Variants in ANKRD30A observed in about 807,000 individuals in gnomAD.
The protein encoded by ANKRD30A is ankyrin repeat domain-containing protein 30A.
ANKRD30A carries 170 observed loss-of-function variants against 166.3 expected under a neutral mutation model. That is an observed-to-expected ratio of 1.02 (90% confidence interval 0.90 to 1.16). The LOEUF (loss-of-function observed/expected upper bound fraction) is 1.16, where lower values mean the gene tolerates loss of function less well. Ranked by LOEUF, ANKRD30A falls within the 50% of genes most tolerant of loss-of-function variation. The pLI is 0.00. For synonymous variants in ANKRD30A, 564 were observed against 508.9 expected (o/e 1.11, Z -1.46); for missense variants, 1,630 against 1,518.0 (o/e 1.07, Z -1.23).
intron 31 of ANKRD30A, among the ~76,000 whole-genome samples, chr10:37,213,783 T>C (rs1426835936): frequency 4.0e-5 from 6 of 151,714 alleles, no homozygotes; most frequent in African/African-American, 1.5e-4. Flanking sequence ...GTATGTTACT[T>C]AATTTCCAAT....
rs571031219 is a variant in ANKRD30A at position 37,194,093 on chromosome 10, G to C, written c.2614+835G>C. Among the ~76,000 whole-genome samples, 214 of 151,678 alleles carry C rather than the reference G, an allele frequency of 1.4e-3. 3 individuals are homozygous for C. The highest frequency in any genetic ancestry group is 5.1e-3 in the African/African-American group (209 of 41,306). On this transcript the variant is annotated intron_variant, in intron 27 of 35. Transcript: ENST00000361713. ...TGCCTGTCATCTCAGCTACTCTGGA[G>C]GCTGAGGCAGGAGAATGGCTTGAAC...
rs373825482 is a variant in ANKRD30A at position 37,193,693 on chromosome 10, T to A, written c.2614+435T>A. Among the ~76,000 whole-genome samples, 577 of 151,976 alleles carry A rather than the reference T, an allele frequency of 3.8e-3. 1 individual carries two copies. The highest frequency in any genetic ancestry group is 0.012 in the African/African-American group (505 of 41,346). On this transcript the variant is annotated intron_variant, in intron 27 of 35. Transcript: ENST00000361713. ...CTTAAGAAAATCAGTTTTTTTTTTA[T>A]TAGATGACTGTGTGTTTGTGTGACT...
chr10:37,141,366 G>GT (rs1036732781), intron 6 of ANKRD30A, among the ~76,000 whole-genome samples: 2 of 152,026 alleles, frequency 1.3e-5, no homozygotes, highest in African/African-American at 4.8e-5. Context: ...GAGCTCAGGA[G>GT]TTTGAGACCA....
downstream of ANKRD30A, among the ~76,000 whole-genome samples, chr10:37,234,157 A>T (rs1176145847): frequency 6.6e-6 from 1 of 152,204 alleles, no homozygotes; most frequent in African/African-American, 2.4e-5. Context: ...TCACCAACAC[A>T]TGAAGTTTAG....
At chr10:37,155,641 A>T (rs1838311731) in intron 13 of ANKRD30A, among the ~76,000 whole-genome samples, 1 of 152,176 alleles carries the variant, frequency 6.6e-6, no homozygotes, top group Admixed American at 6.5e-5. Context: ...CTGTGATTCC[A>T]GATCAGTTTT....
chr10:37,261,154 C>T, the ANKRD30A span, among the ~76,000 whole-genome samples: 3 of 152,098 alleles, frequency 2.0e-5, no homozygotes, highest in South Asian at 2.1e-4. Context: ...CAGGCTTCTC[C>T]GTGCAGGTTT....
Position 37,166,816 on chromosome 10 carries a change from G to T in ANKRD30A, c.2155+121G>T, listed in dbSNP as rs1284491194. Reference sequence around the variant, plus strand: ...TAAATGCAAACCATGGAAAAAAAGAGAAGTGCAATGGTCATAAGTTATGTG... The same window carrying T: ...TAAATGCAAACCATGGAAAAAAAGATAAGTGCAATGGTCATAAGTTATGTG... On this transcript the variant is annotated intron_variant, in intron 19 of 35. Transcript: ENST00000361713. 20 of 1,409,076 alleles carry T rather than the reference G, an allele frequency of 1.4e-5. No individual in the cohort carries two copies. In the Admixed American group the frequency reaches 4.2e-4, roughly 30 times the overall value. The allele number at this position is 1,409,076 out of a possible 1,614,324, so 87.3% of individuals were successfully genotyped here. A position where few individuals can be genotyped will look rare whatever the true frequency, so the allele number is the denominator to read the frequency against.
chr10:37,230,567 A>G, intron 34 of ANKRD30A, among the ~76,000 whole-genome samples: 1 of 152,192 alleles, frequency 6.6e-6, no homozygotes, highest in Non-Finnish European at 1.5e-5. Flanking sequence ...ATGTCCCCAA[A>G]TAGAAATACT....
chr10:37,126,515 A>G (rs1164861192), intron 1 of ANKRD30A, among the ~76,000 whole-genome samples: 1 of 152,206 alleles, frequency 6.6e-6, no homozygotes, highest in Non-Finnish European at 1.5e-5. Flanking sequence ...TTCTTTGCTG[A>G]GGGACCTTAG....
chr10:37,130,366 A>G lies in ANKRD30A; in HGVS notation c.498A>G (p.Glu166=). ...AKLLSHGAVI[E]VHNKASLTPL... The stretch of plus-strand genomic sequence containing the variant: ...TGCTGTCCCATGGTGCAGTCATCGA[A>G]GTGCACAACAAGGTAGACACTAACC... The change falls in exon 3 of 36, where the codon GAA becomes GAG. Residue 166 remains glutamate, a synonymous_variant. Transcript: ENST00000361713. 6.6e-7 allele frequency: 1 copy of G among 1,514,054 alleles called. No individual in the cohort carries two copies. The highest frequency in any genetic ancestry group is 8.9e-7 in the Non-Finnish European group (1 of 1,129,006). The allele number at this position is 1,514,054 out of a possible 1,614,324, so 93.8% of individuals were successfully genotyped here.
Position 37,130,510 on chromosome 10 carries a change from C to T in ANKRD30A, c.510+132C>T, listed in dbSNP as rs191296696. ...AAATAGTTTGAAAGAACTTAATTGT[C>T]TAAGATTTTACTTTAAATATTAATG... is the stretch of plus-strand genomic sequence containing the variant. On this transcript the variant is annotated intron_variant, in intron 3 of 35. Coordinates refer to ENST00000361713, the MANE Select transcript of ANKRD30A (RefSeq NM_052997.3). 59 of 638,504 alleles carry T rather than the reference C, an allele frequency of 9.2e-5. No homozygotes were observed. The African/African-American group carries it at 9.9e-4, about 11-fold the overall frequency. The allele number at this position is 638,504 out of a possible 1,614,324, so 39.6% of individuals were successfully genotyped here.
intron 13 of ANKRD30A, among the ~76,000 whole-genome samples, chr10:37,156,370 A>G (rs1355062044): frequency 3.9e-5 from 6 of 152,002 alleles, no homozygotes; most frequent in African/African-American, 9.7e-5. Context: ...CTTTATAAAA[A>G]TAAAAGTAAT....
the ANKRD30A span, among the ~76,000 whole-genome samples, chr10:37,240,083 G>A: frequency 6.6e-6 from 1 of 152,054 alleles, no homozygotes; most frequent in South Asian, 2.1e-4. Flanking sequence ...TAATTGATAA[G>A]TACATCAGTT....
chr10:37,155,386 T>G (rs1164181659), intron 13 of ANKRD30A, among the ~76,000 whole-genome samples: 1 of 152,220 alleles, frequency 6.6e-6, no homozygotes, highest in Non-Finnish European at 1.5e-5. Flanking sequence ...TATTTAGTAT[T>G]ATGCTTTAAG....
At chr10:37,208,229 G>A (rs1049391659) in intron 31 of ANKRD30A, among the ~76,000 whole-genome samples, 2 of 152,096 alleles carry the variant, frequency 1.3e-5, no homozygotes, top group African/African-American at 4.8e-5. Context: ...TGAGACCCTT[G>A]TCTTGGCTGG....
At chr10:37,202,507 T>C (rs900721986) in intron 31 of ANKRD30A, among the ~76,000 whole-genome samples, 1 of 152,198 alleles carries the variant, frequency 6.6e-6, no homozygotes, top group Non-Finnish European at 1.5e-5. Flanking sequence ...GGGAAATTTA[T>C]AGCACTAAAT....
the ANKRD30A span, chr10:37,242,023 A>G: frequency 6.6e-6 from 1 of 152,192 alleles, no homozygotes; most frequent in Non-Finnish European, 1.5e-5. Flanking sequence ...AATACATTCT[A>G]AGATTTAATT....
In ANKRD30A at chr10:37,160,631, C is replaced by A. The variant is rs1272126803; in HGVS notation, c.1901-2018C>A. 2.0e-5 allele frequency among the ~76,000 whole-genome samples: 3 copies of A among 151,908 alleles called. No individual in the cohort carries two copies. The East Asian group carries it at 5.8e-4, about 29-fold the overall frequency. The stretch of plus-strand genomic sequence containing the variant: ...CTCTTTTTTTTAAAAAAATATAAAT[C>A]AAACAAAATCAAAATTTTGTTTATA... On this transcript the variant is annotated intron_variant, in intron 15 of 35. Transcript: ENST00000361713.
chr10:37,234,739 A>G (rs954104183), downstream of ANKRD30A, among the ~76,000 whole-genome samples: 1 of 152,186 alleles, frequency 6.6e-6, no homozygotes, highest in African/African-American at 2.4e-5. Context: ...TATTTAAGTA[A>G]CTTTTCTATT....
Sources: gnomAD v4.1 joint callset for allele counts (sites outside exome capture counted in the v4.1 genomes callset) on GRCh38, gnomAD v4.1.1 for gene constraint, MANE v1.5 for transcripts, NCBI Gene and HGNC (gene_info 2026-07-23, HGNC 2026-07-21) for gene names.